Variants in ASH1L observed in about 807,000 individuals in gnomAD.
The protein encoded by ASH1L is histone-lysine N-methyltransferase ASH1L.
A neutral mutation model predicts 269.0 loss-of-function variants in ASH1L; 23 were observed. That is an observed-to-expected ratio of 0.09 (90% confidence interval 0.06 to 0.12). ASH1L has a LOEUF of 0.12. Among genes scored for constraint, ASH1L ranks in the 10% least tolerant of loss-of-function variants. The probability of loss-of-function intolerance (pLI) is 1.00; values close to 1 mark genes in which losing one functional copy is unlikely to be tolerated. For synonymous variants in ASH1L, 1,187 were observed against 1,253.5 expected (o/e 0.95, Z 1.12); for missense variants, 2,912 against 3,567.8 (o/e 0.82, Z 4.68).
chr1:155,470,656 A>G (rs1665031609), intron 3 of ASH1L, among the ~76,000 whole-genome samples: 1 of 148,494 alleles, frequency 6.7e-6, no homozygotes, highest in Non-Finnish European at 1.5e-5. Context: ...GGTTCAAGTG[A>G]TTCTTGTGCC....
chr1:155,350,347 G>A (rs1653785465), intron 17 of ASH1L, among the ~76,000 whole-genome samples: 1 of 152,134 alleles, frequency 6.6e-6, no homozygotes, highest in Admixed American at 6.6e-5. Flanking sequence ...TTTAAGGCCT[G>A]TGAAAAAGCC....
At position 155,357,630 on chromosome 1, in the gene ASH1L, T is replaced by C; in HGVS notation, c.6915A>G (p.Gly2305=). ...SQPMATHKKS[G]RSKEKRKSKH... ...TAGACTTTCTCTTCTCTTTTGACCG[T>C]CCAGATTTTTTGTGTGTGGCCATGG... The change falls in exon 14 of 28, where the codon GGA becomes GGG. Residue 2305 remains glycine, a synonymous_variant. Coordinates refer to ENST00000392403, the MANE Select transcript of ASH1L (RefSeq NM_018489.3). 1.2e-6 allele frequency: 2 copies of C among 1,614,128 alleles called. No individual in the cohort carries two copies. The highest frequency in any genetic ancestry group is 1.7e-6 in the Non-Finnish European group (2 of 1,180,022).
At chr1:155,379,521 G>C (rs187848244) in intron 8 of ASH1L, among the ~76,000 whole-genome samples, 34 of 152,188 alleles carry the variant, frequency 2.2e-4, no homozygotes, top group African/African-American at 8.0e-4. Context: ...TTTTCAATTT[G>C]GGAAGCAAGA....
rs1665975064 is a variant in ASH1L at position 155,481,660 on chromosome 1, T to C, written c.1210A>G (p.Ile404Val). ...SSAMGLVNKD[I>V]GKKLMSCPLA... The stretch of plus-strand genomic sequence containing the variant: ...GGACAACTCATTAGTTTCTTTCCAA[T>C]GTCCTTATTAACCAATCCCATTGCT... The change falls in exon 3 of 28, where the codon ATT becomes GTT. Residue 404 changes from isoleucine to valine, a missense_variant. Around this residue, in one of 13 missense-constraint regions of ASH1L, gnomAD observed 277 missense variants for 367.7 expected, o/e 0.75. Transcript: ENST00000392403. 2 of 1,614,050 alleles carry C rather than the reference T, an allele frequency of 1.2e-6. No individual in the cohort carries two copies. The highest frequency in any genetic ancestry group is 1.7e-5 in the Admixed American group (1 of 60,010).
At chr1:155,524,231 A>G (rs1217512835) in intron 1 of ASH1L, among the ~76,000 whole-genome samples, 2 of 152,116 alleles carry the variant, frequency 1.3e-5, no homozygotes, top group East Asian at 1.9e-4. Flanking sequence ...CCCTTTAAAC[A>G]TACAAAGTAG....
chr1:155,470,600 G>A (rs1430113999), intron 3 of ASH1L, among the ~76,000 whole-genome samples: 4 of 142,614 alleles, frequency 2.8e-5, no homozygotes, highest in Non-Finnish European at 6.0e-5. Flanking sequence ...TGCCCAGGCC[G>A]GAGTGCAATG....
intron 6 of ASH1L, among the ~76,000 whole-genome samples, chr1:155,409,260 A>G (rs986285399): frequency 1.8e-4 from 28 of 152,292 alleles, no homozygotes; most frequent in African/African-American, 6.7e-4. Flanking sequence ...TCCTGACCTC[A>G]GGTGATCTGC....
In ASH1L at chr1:155,516,646, T is replaced by A. The variant is rs185939180; in HGVS notation, c.420+4454A>T. ...CATCTCTACAAAAATAATTTTTTTT[T>A]ATTAAAATAAACAAAAGGAGGCTAA... On this transcript the variant is annotated intron_variant, in intron 2 of 27. Transcript: ENST00000392403. Among the ~76,000 whole-genome samples, 40 of 152,172 alleles carry A rather than the reference T, an allele frequency of 2.6e-4. No homozygotes were observed. The South Asian group carries it at 3.7e-3, about 14-fold the overall frequency.
chr1:155,410,775 C>A (rs1659699204), intron 6 of ASH1L, among the ~76,000 whole-genome samples: 1 of 150,818 alleles, frequency 6.6e-6, no homozygotes, highest in African/African-American at 2.4e-5. Context: ...GGCCTGAATT[C>A]TTAAATTTTT....
rs1570935159 is a variant in ASH1L at position 155,339,459 on chromosome 1, G to A, written c.8461-91C>T. 2.6e-6 allele frequency: 3 copies of A among 1,139,440 alleles called. No homozygotes were observed. In the East Asian group the frequency reaches 7.3e-5, roughly 28 times the overall value. 70.6% of individuals were successfully genotyped at this position (1,139,440 alleles called of 1,614,324 possible). A position where few individuals can be genotyped will look rare whatever the true frequency, so the allele number is the denominator to read the frequency against. ...GCCAGTCAGGATAAGGAACACAGTA[G>A]GGCAGTAGACAAGTTGGGTGACTTT... On this transcript the variant is annotated intron_variant, in intron 25 of 27. Transcript: ENST00000392403.
Position 155,459,808 on chromosome 1 carries a change from G to C in ASH1L, c.5075C>G (p.Thr1692Ser), listed in dbSNP as rs756273158. Residue 1692 changes from threonine to serine, a missense_variant, in exon 4 of 28, where the codon ACT becomes AGT. Thr to Ser is a moderately conservative substitution (Grantham distance 58, BLOSUM62 1). This residue lies in a region of ASH1L where 789 missense variants were observed against 897.6 expected (regional missense o/e 0.88). Coordinates refer to ENST00000392403, the MANE Select transcript of ASH1L (RefSeq NM_018489.3). ...CAAATAGCACTAGCCTGTTGAAGAA[G>C]TACTCTCAGATGAAGACCTTTTCCG... is the stretch of plus-strand genomic sequence containing the variant. ...PTRKRSSSES[T>S]SSTVNGVPSR... 6.2e-7 allele frequency: 1 copy of C among 1,612,632 alleles called. No homozygotes were observed. The highest frequency in any genetic ancestry group is 8.5e-7 in the Non-Finnish European group (1 of 1,179,080).
chr1:155,511,607 G>A (rs1411572075), intron 2 of ASH1L, among the ~76,000 whole-genome samples: 1 of 152,214 alleles, frequency 6.6e-6, no homozygotes. Context: ...CCGGGCTGAA[G>A]TGATTCTCCT....
intron 1 of ASH1L, among the ~76,000 whole-genome samples, chr1:155,540,214 T>G (rs1027376249): frequency 6.6e-6 from 1 of 152,206 alleles, no homozygotes; most frequent in African/African-American, 2.4e-5. Context: ...AAGAATATAG[T>G]CTCTGAAGCC....
At chr1:155,407,792 G>C (rs1659419030) in intron 6 of ASH1L, among the ~76,000 whole-genome samples, 1 of 151,786 alleles carries the variant, frequency 6.6e-6, no homozygotes, top group South Asian at 2.1e-4. Flanking sequence ...AATATGCTAA[G>C]TGAAAAAACT....
At chr1:155,435,371 C>G (rs1662006912) in intron 5 of ASH1L, among the ~76,000 whole-genome samples, 1 of 152,082 alleles carries the variant, frequency 6.6e-6, no homozygotes, top group Non-Finnish European at 1.5e-5. Flanking sequence ...TGATATATTC[C>G]TACCACAGTA....
intron 4 of ASH1L, among the ~76,000 whole-genome samples, chr1:155,442,034 T>G (rs1308812677): frequency 6.6e-6 from 1 of 152,034 alleles, no homozygotes. Flanking sequence ...CCCAAAGTGT[T>G]GGGATTATAG....
chr1:155,532,012 G>A (rs1182702394), intron 1 of ASH1L, among the ~76,000 whole-genome samples: 1 of 152,158 alleles, frequency 6.6e-6, no homozygotes, highest in Non-Finnish European at 1.5e-5. Flanking sequence ...CAGGGGCAAG[G>A]ATGCCATGTT....
At chr1:155,536,869 C>T (rs1289118045) in intron 1 of ASH1L, among the ~76,000 whole-genome samples, 2 of 151,804 alleles carry the variant, frequency 1.3e-5, no homozygotes, top group Non-Finnish European at 2.9e-5. Context: ...GGTGAAACCT[C>T]GTCTCTACCA....
Position 155,407,606 on chromosome 1 carries a change from A to G in ASH1L, c.6008+8138T>C, listed in dbSNP as rs558670327. On this transcript the variant is annotated intron_variant, in intron 6 of 27. Coordinates refer to ENST00000392403, the MANE Select transcript of ASH1L (RefSeq NM_018489.3). ...ACAGCTATAAAAAATAAAAACGTGG[A>G]TGTACACAAATGTTCATAGCAGCAT... Among the ~76,000 whole-genome samples the G allele has an allele frequency of 2.0e-5, 3 of 152,298 alleles. No homozygotes were observed. The South Asian group carries it at 6.2e-4, about 32-fold the overall frequency.
Sources: allele counts gnomAD v4.1 joint callset (sites outside exome capture counted in the v4.1 genomes callset), GRCh38; gene constraint gnomAD v4.1.1; regional missense constraint gnomAD v4.1.1; transcripts MANE v1.5; gene names NCBI Gene and HGNC (gene_info 2026-07-23, HGNC 2026-07-21).